The following PTP4A2 variants were observed in gnomAD, a reference collection of about 807,000 sequenced individuals.
The protein encoded by PTP4A2 is protein tyrosine phosphatase 4A2, also known as protein tyrosine phosphatase type IVA 2.
A neutral mutation model predicts 22.9 loss-of-function variants in PTP4A2; 2 were observed. The ratio of observed to expected loss-of-function variants is 0.09; its 90% CI spans 0.04 to 0.27. PTP4A2 has a LOEUF of 0.27. Ranked by LOEUF, PTP4A2 falls within the 10% of genes least tolerant of loss-of-function variation. The probability of loss-of-function intolerance (pLI) is 1.00; values close to 1 mark genes in which losing one functional copy is unlikely to be tolerated. For missense variants in PTP4A2, 103 were observed against 205.1 expected, an observed-to-expected ratio of 0.50 and a Z score of 3.04; for synonymous variants, 68 against 69.1, an observed-to-expected ratio of 0.98 and a Z score of 0.08.
intron 1 of PTP4A2, among the ~76,000 whole-genome samples, chr1:31,924,321 T>C (rs748641587): frequency 1.8e-4 from 28 of 152,200 alleles, no homozygotes; most frequent in Non-Finnish European, 2.9e-4. Flanking sequence ...AAACAGTATG[T>C]TCTAGCACTT....
chr1:31,934,679 C>G (rs1652860026), intron 1 of PTP4A2, among the ~76,000 whole-genome samples: 1 of 151,978 alleles, frequency 6.6e-6, no homozygotes, highest in African/African-American at 2.4e-5. Flanking sequence ...AAAATAAATC[C>G]AATTTACCTT....
intron 1 of PTP4A2, among the ~76,000 whole-genome samples, chr1:31,920,280 C>A (rs2124196434): frequency 1.3e-5 from 2 of 151,214 alleles, no homozygotes; most frequent in East Asian, 3.9e-4. Flanking sequence ...CCCGTCTCTA[C>A]TAAAAATACA....
intron 1 of PTP4A2, among the ~76,000 whole-genome samples, chr1:31,936,425 A>G (rs1050900717): frequency 1.3e-5 from 2 of 152,054 alleles, no homozygotes; most frequent in Admixed American, 6.6e-5. Context: ...AAAAAAACAA[A>G]AGGACCATAC....
At chr1:31,915,261 GC>G (rs1270163662) in intron 3 of PTP4A2, among the ~76,000 whole-genome samples, 5 of 152,172 alleles carry the variant, frequency 3.3e-5, no homozygotes, top group Non-Finnish European at 5.9e-5. Context: ...GAACAAAACT[GC>G]CAATTTGTTA....
chr1:31,922,274 A>T (rs1166564881), intron 1 of PTP4A2, among the ~76,000 whole-genome samples: 1 of 152,260 alleles, frequency 6.6e-6, no homozygotes, highest in East Asian at 1.9e-4. Flanking sequence ...ACCTGAGGTC[A>T]GGAGTTCAAG....
intron 1 of PTP4A2, among the ~76,000 whole-genome samples, chr1:31,929,769 TAATA>T (rs1462916496): frequency 3.9e-5 from 6 of 152,210 alleles, no homozygotes; most frequent in African/African-American, 9.7e-5. Context: ...ATAATTTCAT[TAATA>T]AATAATTTAA....
chr1:31,930,755 A>G (rs1652692072), intron 1 of PTP4A2, among the ~76,000 whole-genome samples: 1 of 152,222 alleles, frequency 6.6e-6, no homozygotes, highest in Non-Finnish European at 1.5e-5. Context: ...GTGGCCTTTT[A>G]AAATGTACTG....
At chr1:31,909,057 C>G in intron 5 of PTP4A2, 97 bp from the exon 6 acceptor site, 1 of 878,974 alleles carries the variant, frequency 1.1e-6, no homozygotes, top group African/African-American at 1.7e-5. Context: ...TCTAATTCCA[C>G]ACAGCTGAAA....
chr1:31,923,329 CTTTTTT>C (rs894382854), intron 1 of PTP4A2, among the ~76,000 whole-genome samples: 3 of 113,956 alleles, frequency 2.6e-5, no homozygotes, highest in Non-Finnish European at 3.6e-5. Context: ...GCCTCAACCT[CTTTTTT>C]TTTTTTTTTT....
chr1:31,923,112 C>T (rs910803556), intron 1 of PTP4A2, among the ~76,000 whole-genome samples: 1 of 151,656 alleles, frequency 6.6e-6, no homozygotes, highest in Non-Finnish European at 1.5e-5. Flanking sequence ...AGGGTTTCAC[C>T]AAAGGCCAGG....
intron 1 of PTP4A2, among the ~76,000 whole-genome samples, chr1:31,935,847 TGA>T (rs1056943308): frequency 6.6e-6 from 1 of 152,150 alleles, no homozygotes; most frequent in African/African-American, 2.4e-5. Context: ...TTATTTTTTT[TGA>T]GAGAGGGTCT....
At chr1:31,911,631 A>G in intron 4 of PTP4A2, 65 bp downstream of exon 4, 2 of 1,424,586 alleles carry the variant, frequency 1.4e-6, no homozygotes, top group Non-Finnish European at 9.3e-7. Context: ...CCAAAGTGAA[A>G]CTTTCAACTA....
At chr1:31,937,602 AT>A (rs1652999627) in intron 1 of PTP4A2, among the ~76,000 whole-genome samples, 1 of 140,366 alleles carries the variant, frequency 7.1e-6, no homozygotes, top group Admixed American at 7.1e-5. Context: ...TTACTCACTC[AT>A]TCTACCACCA....
At position 31,919,134 on chromosome 1, in the gene PTP4A2, A is replaced by G. The variant is rs1569605517; in HGVS notation, c.-69T>C. The G allele has an allele frequency of 1.1e-5, 9 of 784,344 alleles. No homozygotes were observed. The East Asian group carries it at 2.3e-4, about 20-fold the overall frequency. The allele number at this position is 784,344 out of a possible 1,614,324, so 48.6% of individuals were successfully genotyped here. ...GAAAGTGAAAAAAAAAAATCAATAA[A>G]TCTTGAAATGTTTCACAGCAGAAAA... On this transcript the variant is annotated 5_prime_UTR_variant, in exon 2 of 6. Transcript: ENST00000647444.
At chr1:31,913,534 G>T (rs980594530) in intron 3 of PTP4A2, among the ~76,000 whole-genome samples, 1 of 151,990 alleles carries the variant, frequency 6.6e-6, no homozygotes, top group Non-Finnish European at 1.5e-5. Flanking sequence ...CCCACCAGCA[G>T]TGTACAAGTG....
In PTP4A2 at chr1:31,916,781, A is replaced by T. The variant is rs539658786; in HGVS notation, c.97-794T>A. Among the ~76,000 whole-genome samples the T allele has an allele frequency of 5.3e-5, 8 of 152,348 alleles. No homozygotes were observed. The South Asian group carries it at 1.2e-3, about 24-fold the overall frequency. On this transcript the variant is annotated intron_variant, in intron 2 of 5. Transcript: ENST00000647444. ...ACCAAGGAAGATGGGGAAAGATTTTAAAAAATATATAGTGTGATCCTATCT... is the reference window on the plus strand; with the variant it reads ...ACCAAGGAAGATGGGGAAAGATTTTTAAAAATATATAGTGTGATCCTATCT...
Position 31,926,022 on chromosome 1 carries a change from G to C in PTP4A2, c.-593-6364C>G, listed in dbSNP as rs59014159. 4.0e-3 allele frequency among the ~76,000 whole-genome samples: 607 copies of C among 150,152 alleles called. 9 individuals are homozygous for C. The highest frequency in any genetic ancestry group is 0.014 in the African/African-American group (589 of 40,924). The stretch of plus-strand genomic sequence containing the variant: ...CGCATGCCTGTAATCCCAGCTACTC[G>C]GGAGGCTGAGGCAAGAGAATCGCTT... On this transcript the variant is annotated intron_variant, in intron 1 of 5. Transcript: ENST00000647444.
At chr1:31,911,916 G>A in intron 3 of PTP4A2, 90 bp from the exon 4 acceptor site, 1 of 939,648 alleles carries the variant, frequency 1.1e-6, no homozygotes, top group Non-Finnish European at 1.5e-6. Context: ...ACACACGGCA[G>A]GCCTAACTGA....
intron 1 of PTP4A2, among the ~76,000 whole-genome samples, chr1:31,934,655 G>A (rs926071583): frequency 9.2e-5 from 14 of 152,110 alleles, no homozygotes; most frequent in African/African-American, 3.4e-4. Flanking sequence ...TGAATAAAAA[G>A]TTAATTCTAA....
Sources: allele counts gnomAD v4.1 joint callset (sites outside exome capture counted in the v4.1 genomes callset), GRCh38; gene constraint gnomAD v4.1.1; transcripts MANE v1.5; gene names NCBI Gene and HGNC (gene_info 2026-07-23, HGNC 2026-07-21).